ENOX2: variants seen among roughly 807,000 people sequenced by gnomAD.
ENOX2 encodes the protein ecto-NOX disulfide-thiol exchanger 2.
A neutral mutation model predicts 45.0 loss-of-function variants in ENOX2; 36 were observed. The ratio of observed to expected loss-of-function variants is 0.80; its 90% CI spans 0.61 to 1.06. ENOX2 has a LOEUF of 1.06. ENOX2 is among the 50% of genes least tolerant of loss of function. The probability of loss-of-function intolerance (pLI) is 0.00; values close to 1 mark genes in which losing one functional copy is unlikely to be tolerated. For missense variants in ENOX2, 423 were observed against 462.5 expected, an observed-to-expected ratio of 0.91 and a Z score of 0.78; for synonymous variants, 174 against 152.3, an observed-to-expected ratio of 1.14 and a Z score of -1.05.
Position 130,885,212 on chromosome X carries a change from C to T in ENOX2, c.-183+16472G>A, listed in dbSNP as rs1263894666. 1.8e-4 allele frequency among the ~76,000 whole-genome samples: 20 copies of T among 111,850 alleles called. 1 individual carries two copies. Among genetic ancestry groups the T allele is most frequent in the Non-Finnish European group, 9.4e-5 (5 of 53,151 alleles). On this transcript the variant is annotated intron_variant, in intron 2 of 14. Coordinates refer to ENST00000394363, the MANE Select transcript of ENOX2 (RefSeq NM_006375.4). ...TCAGTAAATGACCAAATTTATCCTCCTTCTCTAGTAGCATAAGTCACATTT... is the reference window on the plus strand; with the variant it reads ...TCAGTAAATGACCAAATTTATCCTCTTTCTCTAGTAGCATAAGTCACATTT...
intron 3 of ENOX2, among the ~76,000 whole-genome samples, chrX:130,747,292 A>G (rs1193435382): frequency 1.8e-5 from 2 of 111,392 alleles, no homozygotes; most frequent in Non-Finnish European, 3.8e-5. Context: ...AACTCACTTA[A>G]GACAGCAATT....
At chrX:130,840,515 CTT>C (rs1408938353) in intron 2 of ENOX2, among the ~76,000 whole-genome samples, 2 of 102,620 alleles carry the variant, frequency 1.9e-5, no homozygotes, top group Non-Finnish European at 3.9e-5. Flanking sequence ...GATTTTCTCT[CTT>C]TTAAAAAATA....
intron 2 of ENOX2, among the ~76,000 whole-genome samples, chrX:130,875,312 T>A (rs1228864967): frequency 9.1e-6 from 1 of 109,351 alleles, no homozygotes; most frequent in African/African-American, 3.3e-5. Context: ...AAAATTCATG[T>A]ACAAATACAA....
At chrX:130,799,279 CT>C (rs1346346518) in intron 2 of ENOX2, among the ~76,000 whole-genome samples, 1 of 111,799 alleles carries the variant, frequency 8.9e-6, no homozygotes, top group African/African-American at 3.3e-5. Flanking sequence ...AGTTCTTCAG[CT>C]TTTAAACTCT....
At chrX:130,842,244 T>C (rs2078027054) in intron 2 of ENOX2, among the ~76,000 whole-genome samples, 2 of 112,735 alleles carry the variant, frequency 1.8e-5, no homozygotes, top group Admixed American at 9.4e-5. Context: ...GGAAAAGATA[T>C]AGAACTATAG....
intron 2 of ENOX2, among the ~76,000 whole-genome samples, chrX:130,795,713 T>C (rs1042710775): frequency 7.1e-5 from 8 of 112,151 alleles, no homozygotes; most frequent in Non-Finnish European, 1.5e-4. Flanking sequence ...CTAAGTACCC[T>C]TTGCTTCATT....
chrX:130,855,396 A>G (rs1417218811), intron 2 of ENOX2, among the ~76,000 whole-genome samples: 1 of 112,215 alleles, frequency 8.9e-6, no homozygotes, highest in African/African-American at 3.2e-5. Flanking sequence ...TACATAATTT[A>G]TATGTTGAAA....
intron 2 of ENOX2, among the ~76,000 whole-genome samples, chrX:130,821,548 G>A (rs1468251329): frequency 1.1e-4 from 6 of 53,501 alleles, no homozygotes; most frequent in African/African-American, 4.3e-4. Context: ...TGGTGGGGTC[G>A]GGGGAGGGGG....
intron 2 of ENOX2, among the ~76,000 whole-genome samples, chrX:130,882,610 G>A (rs1474926433): frequency 8.9e-6 from 1 of 112,037 alleles, no homozygotes. Context: ...TCTGAAGAAA[G>A]AACATGAGTA....
At chrX:130,658,176 T>C (rs1222302775) in intron 9 of ENOX2, among the ~76,000 whole-genome samples, 1 of 112,093 alleles carries the variant, frequency 8.9e-6, no homozygotes, top group Non-Finnish European at 1.9e-5. Context: ...AGAATCGTTA[T>C]AATAGCTGCT....
chrX:130,867,895 G>T (rs1282828704), intron 2 of ENOX2, among the ~76,000 whole-genome samples: 1 of 111,892 alleles, frequency 8.9e-6, no homozygotes. Flanking sequence ...GACTTGCATA[G>T]GAGGATGCAA....
At chrX:130,649,781 G>C (rs1441024234) in intron 10 of ENOX2, among the ~76,000 whole-genome samples, 1 of 111,488 alleles carries the variant, frequency 9.0e-6, no homozygotes, top group African/African-American at 3.3e-5. Context: ...CCAGTGGCTG[G>C]GATACTTTTC....
chrX:130,874,874 T>C (rs976273345), intron 2 of ENOX2, among the ~76,000 whole-genome samples: 1 of 109,473 alleles, frequency 9.1e-6, no homozygotes. Context: ...CACACAAACA[T>C]AGGCATGTGT....
chrX:130,732,472 ACATTTTATTTT>A (rs2038759266), intron 3 of ENOX2, among the ~76,000 whole-genome samples: 1 of 112,070 alleles, frequency 8.9e-6, no homozygotes, highest in Admixed American at 9.5e-5. Context: ...AACCCCAGTG[ACATTTTATTTT>A]CACAGAAATA....
chrX:130,695,231 C>T (rs755352373), intron 4 of ENOX2, among the ~76,000 whole-genome samples: 1 of 111,812 alleles, frequency 8.9e-6, no homozygotes, highest in Non-Finnish European at 1.9e-5. Flanking sequence ...TATCTCTAAA[C>T]CCAGAAGTTC....
intron 3 of ENOX2, among the ~76,000 whole-genome samples, chrX:130,708,400 G>C (rs972849234): frequency 8.9e-6 from 1 of 111,851 alleles, no homozygotes; most frequent in Admixed American, 9.5e-5. Context: ...GAGAGTTTAA[G>C]TGATCAGCTC....
At position 130,624,220 on chromosome X, in the gene ENOX2, A is replaced by G. The variant is rs894269608; in HGVS notation, c.*1094T>C. 8.9e-6 allele frequency: 1 copy of G among 112,003 alleles called. No individual in the cohort carries two copies. Among genetic ancestry groups the G allele is most frequent in the Non-Finnish European group, 1.9e-5 (1 of 53,276 alleles). The allele number at this position is 112,003 out of a possible 1,213,427, so 9.2% of individuals were successfully genotyped here. On this transcript the variant is annotated 3_prime_UTR_variant, in exon 15 of 15. Coordinates refer to ENST00000394363, the MANE Select transcript of ENOX2 (RefSeq NM_006375.4). ...TTGCGATTTGCCGATGGGCACTACCAAGGTGTCTCTGGCAATTCGCACTCC... is the reference window on the plus strand; with the variant it reads ...TTGCGATTTGCCGATGGGCACTACCGAGGTGTCTCTGGCAATTCGCACTCC...
intron 10 of ENOX2, 86 bp downstream of exon 10, chrX:130,656,495 C>A: frequency 1.7e-6 from 1 of 575,527 alleles, no homozygotes; most frequent in Admixed American, 3.0e-5. Context: ...AGGTTGATGG[C>A]CATACCTTAC....
chrX:130,703,073 A>G (rs1437235417), intron 4 of ENOX2, 47 bp downstream of exon 4: 2 of 1,148,453 alleles, frequency 1.7e-6, no homozygotes, highest in East Asian at 3.0e-5. Flanking sequence ...TTATAACCAC[A>G]TGGTCAATAA....
Sources: allele counts gnomAD v4.1 joint callset (sites outside exome capture counted in the v4.1 genomes callset), GRCh38; gene constraint gnomAD v4.1.1; transcripts MANE v1.5; gene names NCBI Gene and HGNC (gene_info 2026-07-23, HGNC 2026-07-21).